Variants in LRRTM4 observed in about 807,000 individuals in gnomAD.
LRRTM4 encodes leucine rich repeat transmembrane neuronal 4, also known as leucine-rich repeat transmembrane neuronal protein 4.
In LRRTM4, 25 loss-of-function variants were observed where a neutral mutation model predicts 47.6. The observed-to-expected ratio is 0.53, with a 90% CI of 0.38 to 0.73. The LOEUF (loss-of-function observed/expected upper bound fraction) is 0.73, where lower values mean the gene tolerates loss of function less well. LRRTM4 is among the 30% of genes least tolerant of loss of function. LRRTM4 has a pLI of 0.00. For missense variants in LRRTM4, 638 were observed against 713.4 expected, an observed-to-expected ratio of 0.89 and a Z score of 1.20; for synonymous variants, 311 against 269.5, an observed-to-expected ratio of 1.15 and a Z score of -1.51.
chr2:76,835,151 C>T (rs1217824093), intron 3 of LRRTM4, among the ~76,000 whole-genome samples: 1 of 152,010 alleles, frequency 6.6e-6, no homozygotes, highest in Non-Finnish European at 1.5e-5. Context: ...GGGCAAGTCA[C>T]CTAAATTCCC....
intron 3 of LRRTM4, among the ~76,000 whole-genome samples, chr2:76,751,548 G>T (rs71420956): frequency 0.044 from 6,717 of 152,094 alleles, 208 homozygotes; most frequent in Non-Finnish European, 0.069. Context: ...TGACATGGCC[G>T]AATTACTAGA....
intron 3 of LRRTM4, among the ~76,000 whole-genome samples, chr2:77,320,201 G>A (rs1268176475): frequency 6.6e-6 from 1 of 152,020 alleles, no homozygotes; most frequent in African/African-American, 2.4e-5. Context: ...AAAAATGAAA[G>A]ATAAAATGAC....
chr2:77,426,786 TACACACACAGAGGTGTATGCACACAC>T (rs1480538849), intron 3 of LRRTM4, among the ~76,000 whole-genome samples: 4 of 151,242 alleles, frequency 2.6e-5, no homozygotes, highest in Non-Finnish European at 5.9e-5. Context: ...ACATAATATG[TACACACACAGAGGTGTATGCACACAC>T]ACACACACAC....
intron 3 of LRRTM4, among the ~76,000 whole-genome samples, chr2:77,377,014 G>A (rs975130040): frequency 1.3e-5 from 2 of 151,582 alleles, no homozygotes; most frequent in Non-Finnish European, 3.0e-5. Context: ...ATCACTAAGG[G>A]CATGTTTATT....
At chr2:77,020,216 GAAAAATA>G (rs1231570396) in intron 3 of LRRTM4, among the ~76,000 whole-genome samples, 1 of 151,972 alleles carries the variant, frequency 6.6e-6, no homozygotes, top group South Asian at 2.1e-4. Context: ...TTTTGGTTTG[GAAAAATA>G]AAAAATAAAA....
chr2:76,883,851 C>G (rs540671924), intron 3 of LRRTM4, among the ~76,000 whole-genome samples: 1 of 152,214 alleles, frequency 6.6e-6, no homozygotes, highest in African/African-American at 2.4e-5. Flanking sequence ...TTAACCTAAT[C>G]AAGATTTGGA....
At chr2:77,210,212 A>T (rs1378570022) in intron 3 of LRRTM4, among the ~76,000 whole-genome samples, 1 of 152,186 alleles carries the variant, frequency 6.6e-6, no homozygotes, top group East Asian at 1.9e-4. Flanking sequence ...TCTGGGCCTC[A>T]TGATGTCTCT....
intron 3 of LRRTM4, among the ~76,000 whole-genome samples, chr2:76,974,185 T>TACATATATATACATATATATATATAC (rs1558771534): frequency 3.1e-5 from 3 of 95,306 alleles, no homozygotes; most frequent in South Asian, 3.1e-4. Flanking sequence ...TATATATACA[T>TACATATATATACATATATATATATAC]ACATATATAT....
intron 3 of LRRTM4, among the ~76,000 whole-genome samples, chr2:77,032,155 C>T (rs907133558): frequency 5.9e-5 from 9 of 152,098 alleles, no homozygotes; most frequent in African/African-American, 2.2e-4. Context: ...TCTGCAGTGA[C>T]TTTCACATAC....
intron 3 of LRRTM4, among the ~76,000 whole-genome samples, chr2:77,132,572 C>A (rs568069241): frequency 1.9e-4 from 29 of 152,332 alleles, no homozygotes; most frequent in Non-Finnish European, 3.8e-4. Flanking sequence ...GGTGAGGACC[C>A]AGTCTCTGCT....
chr2:77,006,122 A>G (rs185173169), intron 3 of LRRTM4, among the ~76,000 whole-genome samples: 184 of 152,290 alleles, frequency 1.2e-3, no homozygotes, highest in African/African-American at 4.1e-3. Flanking sequence ...ATATGATTCA[A>G]TATTTTCCTT....
rs113295839 is a variant in LRRTM4, at chr2:77,310,295, C to T, written c.1551+208023G>A. Among the ~76,000 whole-genome samples, 1,218 of 152,118 alleles carry T rather than the reference C, an allele frequency of 8.0e-3. 14 individuals are homozygous for T. Among genetic ancestry groups the T allele is most frequent in the African/African-American group, 0.028 (1,165 of 41,476 alleles). Reference sequence around the variant, plus strand: ...ATTATCTGTTTTTAAAATTTATACACAGCAACATACACACACATATATACA... The same window carrying T: ...ATTATCTGTTTTTAAAATTTATACATAGCAACATACACACACATATATACA... On this transcript the variant is annotated intron_variant, in intron 3 of 3. Transcript: ENST00000409884.
At chr2:77,473,079 A>T (rs1381406117) in intron 3 of LRRTM4, among the ~76,000 whole-genome samples, 1 of 152,128 alleles carries the variant, frequency 6.6e-6, no homozygotes, top group Non-Finnish European at 1.5e-5. Context: ...GAGTCAGAAA[A>T]TATAAAATTT....
At chr2:77,159,898 C>A (rs1672664624) in intron 3 of LRRTM4, among the ~76,000 whole-genome samples, 1 of 152,178 alleles carries the variant, frequency 6.6e-6, no homozygotes, top group African/African-American at 2.4e-5. Context: ...ATCAATCCAT[C>A]TGATTGTGAC....
chr2:77,007,736 A>G (rs1310099164), intron 3 of LRRTM4, among the ~76,000 whole-genome samples: 1 of 152,176 alleles, frequency 6.6e-6, no homozygotes, highest in Non-Finnish European at 1.5e-5. Flanking sequence ...GTTCGGTGGA[A>G]AAGAAAAGGC....
At chr2:77,516,268 T>A (rs1194264727) in intron 3 of LRRTM4, among the ~76,000 whole-genome samples, 1 of 151,882 alleles carries the variant, frequency 6.6e-6, no homozygotes, top group Non-Finnish European at 1.5e-5. Flanking sequence ...ACATACAATA[T>A]CAAAATGTGT....
At chr2:77,443,321 C>T (rs1031242838) in intron 3 of LRRTM4, among the ~76,000 whole-genome samples, 72 of 152,012 alleles carry the variant, frequency 4.7e-4, no homozygotes, top group African/African-American at 1.7e-3. Context: ...GATGTCAGAT[C>T]GGATGCATAT....
At chr2:76,797,022 A>C (rs796240922) in intron 3 of LRRTM4, among the ~76,000 whole-genome samples, 13 of 152,256 alleles carry the variant, frequency 8.5e-5, no homozygotes, top group African/African-American at 2.6e-4. Flanking sequence ...GAGAATGCAA[A>C]CAAGTTGGAA....
At chr2:76,910,158 A>G (rs1331749280) in intron 3 of LRRTM4, among the ~76,000 whole-genome samples, 4 of 152,190 alleles carry the variant, frequency 2.6e-5, no homozygotes, top group Non-Finnish European at 5.9e-5. Flanking sequence ...ATGGAATACT[A>G]TGCAGCCATA....
Sources: allele counts gnomAD v4.1 joint callset (sites outside exome capture counted in the v4.1 genomes callset), GRCh38; gene constraint gnomAD v4.1.1; transcripts MANE v1.5; gene names NCBI Gene and HGNC (gene_info 2026-07-23, HGNC 2026-07-21).